SLC26A3: variants seen among roughly 807,000 people sequenced by gnomAD.
SLC26A3 encodes the protein chloride anion exchanger.
Under a neutral mutation model 85.6 loss-of-function variants are expected in SLC26A3, and 64 were observed. The ratio of observed to expected loss-of-function variants is 0.75; its 90% CI spans 0.61 to 0.92. SLC26A3 has a LOEUF of 0.92. SLC26A3 is among the 40% of genes least tolerant of loss of function. The pLI is 0.00. For missense variants in SLC26A3, 922 were observed against 927.3 expected (o/e 0.99, Z 0.07); for synonymous variants, 349 against 336.0 (o/e 1.04, Z -0.42).
At chr7:107,802,632 G>T (rs1248897159) in intron 1 of SLC26A3, among the ~76,000 whole-genome samples, 1 of 151,788 alleles carries the variant, frequency 6.6e-6, no homozygotes, top group Non-Finnish European at 1.5e-5. Flanking sequence ...CTCTTGAGTA[G>T]CTAGGACTAT....
Position 107,782,858 on chromosome 7 carries a change from C to G in SLC26A3, c.1250G>C (p.Gly417Ala). ...GGKTQIAGLIGAIIVLIVVLA... is the reference protein window; with the variant it reads ...GGKTQIAGLIAAIIVLIVVLA... ...AACGACAATCAGCACGATGATGGCACCAATAAGCCCAGCAATCTGTGAGGA... is the reference window on the plus strand; with the variant it reads ...AACGACAATCAGCACGATGATGGCAGCAATAAGCCCAGCAATCTGTGAGGA... The change falls in exon 11 of 21, where the codon GGT (glycine) becomes GCT (alanine). Residue 417 changes from glycine (G) to alanine (A), a missense_variant. By Grantham distance (60) the Gly-to-Ala change is moderately conservative (BLOSUM62 0). Transcript: ENST00000340010. The G allele has an allele frequency of 6.2e-7, 1 of 1,614,098 alleles. No individual in the cohort carries two copies. The highest frequency in any genetic ancestry group is 8.5e-7 in the Non-Finnish European group (1 of 1,180,004).
In SLC26A3 at chr7:107,770,363, C is replaced by T. The variant is rs369045879; in HGVS notation, c.2062+1691G>A. Among the ~76,000 whole-genome samples the T allele has an allele frequency of 3.8e-4, 57 of 148,630 alleles. 2 individuals carry two copies. In the East Asian group the frequency reaches 6.7e-3, roughly 17 times the overall value. On this transcript the variant is annotated intron_variant, in intron 18 of 20. Coordinates refer to ENST00000340010, the MANE Select transcript of SLC26A3 (RefSeq NM_000111.3). ...CCTTGACCTCCCAGGCTCAAGCGAT[C>T]CTTCCATCTCAACCTCCTGAGTAGC...
At position 107,782,821 on chromosome 7, in the gene SLC26A3, T is replaced by A. The variant is rs773487664; in HGVS notation, c.1287A>T (p.Gly429=). The change falls in exon 11 of 21, where the codon GGA becomes GGT. Residue 429 remains glycine, a synonymous_variant. Coordinates refer to ENST00000340010, the MANE Select transcript of SLC26A3 (RefSeq NM_000111.3). ...IIVLIVVLAI[G]FLLAPLQKSV... is the part of the protein sequence containing the mutation. ...CCTTTTGTAGAGGCGCCAGGAGAAA[T>A]CCAATGGCTAGAACGACAATCAGCA... The A allele has an allele frequency of 5.0e-6, 8 of 1,613,878 alleles. No individual in the cohort carries two copies. In the East Asian group the frequency reaches 1.8e-4, roughly 36 times the overall value.
At chr7:107,789,499 T>C (rs748770204) in intron 6 of SLC26A3, 25 bp downstream of exon 6, 1 of 1,606,388 alleles carries the variant, frequency 6.2e-7, no homozygotes, top group Admixed American at 1.7e-5. Context: ...TATTTCAGTA[T>C]TTTTTAGGTG....
In SLC26A3 at chr7:107,774,106, C is replaced by G. The variant is rs781024851; in HGVS notation, c.1821G>C (p.Glu607Asp). Residue 607 changes from glutamate (E) to aspartate (D), a missense_variant, in exon 17 of 21, where the codon GAG (glutamate) becomes GAC (aspartate). By Grantham distance (45) the Glu-to-Asp change is conservative. Coordinates refer to ENST00000340010, the MANE Select transcript of SLC26A3 (RefSeq NM_000111.3). ...GTACTTCTATCTGATTGTTGTCCAGCTCTTCGTCAGAATCTTTTATGGTGT... is the reference window on the plus strand; with the variant it reads ...GTACTTCTATCTGATTGTTGTCCAGGTCTTCGTCAGAATCTTTTATGGTGT... Reference protein sequence around the residue: ...TVDTIKDSDEELDNNQIEVLD... With the variant: ...TVDTIKDSDEDLDNNQIEVLD... 2.4e-5 allele frequency: 38 copies of G among 1,614,040 alleles called. No homozygotes were observed. The highest frequency in any genetic ancestry group is 3.0e-5 in the Non-Finnish European group (35 of 1,180,026).
intron 6 of SLC26A3, among the ~76,000 whole-genome samples, chr7:107,788,606 T>C (rs909946757): frequency 1.3e-5 from 2 of 152,030 alleles, no homozygotes; most frequent in Non-Finnish European, 2.9e-5. Flanking sequence ...TTTTAAAACA[T>C]AGACTTTTTT....
At chr7:107,794,192 C>A (rs1015930179) in intron 2 of SLC26A3, among the ~76,000 whole-genome samples, 187 bp downstream of exon 2, 1 of 152,020 alleles carries the variant, frequency 6.6e-6, no homozygotes, top group Non-Finnish European at 1.5e-5. Flanking sequence ...GTTGATAAGC[C>A]GAGATGGGGT....
chr7:107,768,092 A>G (rs1323800313), intron 18 of SLC26A3, among the ~76,000 whole-genome samples, 184 bp from the exon 19 acceptor site: 3 of 152,224 alleles, frequency 2.0e-5, no homozygotes, highest in African/African-American at 4.8e-5. Context: ...TGGAACTAAC[A>G]AATACCTTTC....
At chr7:107,777,740 G>T (rs927276831) in intron 13 of SLC26A3, among the ~76,000 whole-genome samples, 3 of 152,100 alleles carry the variant, frequency 2.0e-5, no homozygotes, top group Non-Finnish European at 4.4e-5. Context: ...ATATTTTAAA[G>T]GTACGAGGGC....
At chr7:107,773,697 C>T (rs1794062056) in intron 17 of SLC26A3, among the ~76,000 whole-genome samples, 1 of 152,122 alleles carries the variant, frequency 6.6e-6, no homozygotes, top group Admixed American at 6.6e-5. Flanking sequence ...ATTACAGGTG[C>T]ACGCCACCAC....
At chr7:107,791,364 C>A in intron 4 of SLC26A3, 129 bp from the exon 5 acceptor site, 1 of 1,012,042 alleles carries the variant, frequency 9.9e-7, no homozygotes, top group Non-Finnish European at 1.6e-6. Flanking sequence ...GTAATCCCAG[C>A]ACTTTGGGAG....
intron 12 of SLC26A3, among the ~76,000 whole-genome samples, chr7:107,779,426 C>T (rs1226465168): frequency 6.6e-6 from 1 of 152,124 alleles, no homozygotes; most frequent in African/African-American, 2.4e-5. Flanking sequence ...AAGTTCTAGA[C>T]TAGTGTTTCA....
At chr7:107,796,033 T>C (rs952866075) in intron 1 of SLC26A3, among the ~76,000 whole-genome samples, 1 of 152,144 alleles carries the variant, frequency 6.6e-6, no homozygotes, top group Admixed American at 6.5e-5. Flanking sequence ...ATACTGCTTC[T>C]GCCCCACATC....
intron 1 of SLC26A3, among the ~76,000 whole-genome samples, chr7:107,798,745 A>C (rs1794553894): frequency 6.6e-6 from 1 of 152,186 alleles, no homozygotes; most frequent in Admixed American, 6.5e-5. Context: ...CCTTCGATAG[A>C]GACATCACTG....
chr7:107,775,690 C>A (rs921700310), intron 15 of SLC26A3, among the ~76,000 whole-genome samples: 1 of 151,882 alleles, frequency 6.6e-6, no homozygotes, highest in African/African-American at 2.4e-5. Flanking sequence ...TGTGATCATG[C>A]CAGCCTGGGT....
rs754569219 is a variant in SLC26A3 at position 107,767,607 on chromosome 7, T to C, written c.2243A>G (p.Asn748Ser). 5 of 1,608,526 alleles carry C rather than the reference T, an allele frequency of 3.1e-6. No individual in the cohort carries two copies. Among genetic ancestry groups the C allele is most frequent in the Non-Finnish European group, 2.6e-6 (3 of 1,175,280 alleles). The change falls in exon 20 of 21, where the codon AAT becomes AGT. Residue 748 changes from asparagine (N) to serine (S), a missense_variant. Transcript: ENST00000340010. ...DGKIDFTINT[N>S]GGLRNRVYEV... ...ATATACCCGATTACGTAATCCTCCA[T>C]TTGTATTTATGGTAAAATCAATTTT...
chr7:107,767,802 C>T lies in SLC26A3; in HGVS notation c.2169G>A (p.Lys723=), dbSNP rs142908255. The T allele has an allele frequency of 2.5e-6, 4 of 1,613,654 alleles. No individual in the cohort carries two copies. The highest frequency in any genetic ancestry group is 1.3e-5 in the African/African-American group (1 of 74,884). The change falls in exon 19 of 21, where the codon AAG becomes AAA. Residue 723 remains lysine, a synonymous_variant. Coordinates refer to ENST00000340010, the MANE Select transcript of SLC26A3 (RefSeq NM_000111.3). ...TAAACTTTGAAGTACTGTAATCTTT[C>T]TTCATCAAAATATGCAAAACAGCAT... The part of the protein sequence containing the change: ...IHDAVLHILM[K]KDYSTSKFNP...
chr7:107,772,650 C>T (rs1794045474), intron 17 of SLC26A3, among the ~76,000 whole-genome samples: 1 of 152,094 alleles, frequency 6.6e-6, no homozygotes, highest in Non-Finnish European at 1.5e-5. Context: ...GTTAGATGAT[C>T]ATTAATGTCA....
intron 18 of SLC26A3, among the ~76,000 whole-genome samples, chr7:107,771,229 G>C (rs1373624539): frequency 6.6e-6 from 1 of 152,162 alleles, no homozygotes; most frequent in Admixed American, 6.5e-5. Context: ...TGATAGGAAA[G>C]AAGTATTTTT....
Sources: allele counts gnomAD v4.1 joint callset (sites outside exome capture counted in the v4.1 genomes callset), GRCh38; gene constraint gnomAD v4.1.1; transcripts MANE v1.5; gene names NCBI Gene and HGNC (gene_info 2026-07-23, HGNC 2026-07-21).